SIAH3: variants seen among roughly 807,000 people sequenced by gnomAD.
SIAH3 encodes the protein seven in absentia homolog 3.
Under a neutral mutation model 12.6 loss-of-function variants are expected in SIAH3, and 9 were observed. The observed-to-expected ratio is 0.72, with a 90% CI of 0.43 to 1.25. The LOEUF (loss-of-function observed/expected upper bound fraction) is 1.25, where lower values mean the gene tolerates loss of function less well. Ranked by LOEUF, SIAH3 falls within the 50% of genes most tolerant of loss-of-function variation. The probability of loss-of-function intolerance (pLI) is 0.00; values close to 1 mark genes in which losing one functional copy is unlikely to be tolerated. For missense variants in SIAH3, 390 were observed against 365.4 expected (o/e 1.07, Z -0.55); for synonymous variants, 154 against 151.1 (o/e 1.02, Z -0.14).
chr13:45,804,963 A>AACACAC (rs56315825), intron 1 of SIAH3, among the ~76,000 whole-genome samples: 3,704 of 135,860 alleles, frequency 0.027, 69 homozygotes, highest in Middle Eastern at 0.037. Flanking sequence ...TCCCATTTAT[A>AACACAC]ACACACACAC....
In SIAH3 at chr13:45,784,196, CA is replaced by C. The variant is rs1334814318; in HGVS notation, c.136-140del. 1.6e-5 allele frequency: 13 copies of C among 802,916 alleles called. No homozygotes were observed. In the Admixed American group the frequency reaches 2.8e-4, roughly 17 times the overall value. 49.7% of individuals were successfully genotyped at this position (802,916 alleles called of 1,614,324 possible). The stretch of plus-strand genomic sequence containing the variant: ...GTTCATTTCTTAAACAACAAACAAA[CA>C]AACAAACAAACAAACAAAACCACAA... On this transcript the variant is annotated intron_variant, in intron 1 of 1. Coordinates refer to ENST00000400405, the MANE Select transcript of SIAH3 (RefSeq NM_198849.3).
At position 45,777,314 on chromosome 13, in the gene SIAH3, G is replaced by C. The variant is rs1950488066; in HGVS notation, c.*6069C>G. On this transcript the variant is annotated 3_prime_UTR_variant, in exon 2 of 2. Transcript: ENST00000400405. ...GGGCAGAGATGAAGTAGCAGTTTGA[G>C]TTTGTCCAAGTTATTGTCTTTAACA... The C allele has an allele frequency of 6.6e-6, 1 of 152,160 alleles. No individual in the cohort carries two copies. The highest frequency in any genetic ancestry group is 2.4e-5 in the African/African-American group (1 of 41,432). 9.4% of individuals were successfully genotyped at this position (152,160 alleles called of 1,614,324 possible). A position where few individuals can be genotyped will look rare whatever the true frequency, so the allele number is the denominator to read the frequency against.
At chr13:45,786,366 G>A (rs955429762) in intron 1 of SIAH3, among the ~76,000 whole-genome samples, 2 of 152,186 alleles carry the variant, frequency 1.3e-5, no homozygotes, top group African/African-American at 4.8e-5. Flanking sequence ...AACATTTTAT[G>A]TTTGTCTTAT....
At chr13:45,828,158 T>C (rs1401613743) in intron 1 of SIAH3, among the ~76,000 whole-genome samples, 12 of 152,250 alleles carry the variant, frequency 7.9e-5, no homozygotes, top group Admixed American at 1.3e-4. Flanking sequence ...GAGGACTAAA[T>C]GAGATATCAT....
intron 1 of SIAH3, among the ~76,000 whole-genome samples, chr13:45,802,036 G>A (rs1950584081): frequency 6.6e-6 from 1 of 152,316 alleles, no homozygotes; most frequent in African/African-American, 2.4e-5. Context: ...CGGGCGTGGT[G>A]GCTCACGCCT....
intron 1 of SIAH3, among the ~76,000 whole-genome samples, chr13:45,813,426 C>T (rs1950623101): frequency 6.6e-6 from 1 of 152,204 alleles, no homozygotes; most frequent in South Asian, 2.1e-4. Flanking sequence ...TAGGGCTCTG[C>T]CCCCTTGGCC....
At chr13:45,812,969 TG>T (rs1346006844) in intron 1 of SIAH3, among the ~76,000 whole-genome samples, 16 of 152,300 alleles carry the variant, frequency 1.1e-4, no homozygotes, top group Admixed American at 9.8e-4. Context: ...AGGAAGCCAG[TG>T]TATTGAAGCC....
At chr13:45,809,220 G>C (rs114475087) in intron 1 of SIAH3, among the ~76,000 whole-genome samples, 1 of 152,180 alleles carries the variant, frequency 6.6e-6, no homozygotes, top group Non-Finnish European at 1.5e-5. Flanking sequence ...CGTGTGTTGG[G>C]GGCTCCGCAG....
At position 45,777,297 on chromosome 13, in the gene SIAH3, A is replaced by T. The variant is rs1270099992; in HGVS notation, c.*6086T>A. On this transcript the variant is annotated 3_prime_UTR_variant, in exon 2 of 2. Coordinates refer to ENST00000400405, the MANE Select transcript of SIAH3 (RefSeq NM_198849.3). ...TGACATTTTCTATGAGAGGGCAGAGATGAAGTAGCAGTTTGAGTTTGTCCA... is the reference window on the plus strand; with the variant it reads ...TGACATTTTCTATGAGAGGGCAGAGTTGAAGTAGCAGTTTGAGTTTGTCCA... The T allele has an allele frequency of 6.6e-6, 1 of 152,240 alleles. No homozygotes were observed. The highest frequency in any genetic ancestry group is 1.5e-5 in the Non-Finnish European group (1 of 68,050). The allele number at this position is 152,240 out of a possible 1,614,324, so 9.4% of individuals were successfully genotyped here.
rs1176159235 is a variant in SIAH3, at chr13:45,784,006, A to G, written c.187T>C (p.Phe63Leu). ...TGGTGGGAGAGATGGTGAGGGTGGA[A>G]GCTGCCTTGCTCTGGAGCGCTCTGA... ...VTQSAPEQGS[F>L]HPHHLSHHHC... Residue 63 changes from phenylalanine (F) to leucine (L), a missense_variant, in exon 2 of 2, where the codon TTC (phenylalanine) becomes CTC (leucine). Physicochemically the swap from Phe to Leu is conservative, Grantham distance 22 (BLOSUM62 0). Transcript: ENST00000400405. 3 of 1,606,056 alleles carry G rather than the reference A, an allele frequency of 1.9e-6. No homozygotes were observed. The highest frequency in any genetic ancestry group is 2.6e-6 in the Non-Finnish European group (3 of 1,176,168).
intron 1 of SIAH3, among the ~76,000 whole-genome samples, chr13:45,811,201 G>T (rs1054261751): frequency 6.6e-6 from 1 of 152,162 alleles, no homozygotes; most frequent in Non-Finnish European, 1.5e-5. Context: ...CACAGTAGTT[G>T]GTAATGAGTG....
At chr13:45,820,957 G>A (rs1950653643) in intron 1 of SIAH3, among the ~76,000 whole-genome samples, 1 of 152,214 alleles carries the variant, frequency 6.6e-6, no homozygotes, top group Admixed American at 6.5e-5. Flanking sequence ...ACCAAGGTCT[G>A]TTGTTTCCTT....
chr13:45,838,015 C>T (rs983985998), intron 1 of SIAH3, among the ~76,000 whole-genome samples: 2 of 152,150 alleles, frequency 1.3e-5, no homozygotes, highest in Admixed American at 6.5e-5. Context: ...ACCACATCAC[C>T]CCCCATTTGG....
intron 1 of SIAH3, among the ~76,000 whole-genome samples, chr13:45,845,187 AT>A (rs34053407): frequency 0.058 from 8,074 of 140,322 alleles, 458 homozygotes; most frequent in East Asian, 0.25. Flanking sequence ...TGTTTTATGC[AT>A]TTTTTTTTTT....
chr13:45,844,262 G>A (rs1316084913), intron 1 of SIAH3, among the ~76,000 whole-genome samples: 1 of 152,218 alleles, frequency 6.6e-6, no homozygotes, highest in Admixed American at 6.5e-5. Context: ...TCCAGAGGAG[G>A]TTAGTGTGTG....
chr13:45,792,576 T>C (rs1950549518), intron 1 of SIAH3, among the ~76,000 whole-genome samples: 1 of 152,172 alleles, frequency 6.6e-6, no homozygotes, highest in Non-Finnish European at 1.5e-5. Context: ...CGGGCTGGTC[T>C]CGAACTACTG....
intron 1 of SIAH3, among the ~76,000 whole-genome samples, chr13:45,799,885 A>G (rs1251469847): frequency 6.6e-6 from 1 of 152,244 alleles, no homozygotes; most frequent in African/African-American, 2.4e-5. Context: ...AATTAGGAAG[A>G]TAAATCTTCT....
At chr13:45,830,117 AGGGCTC>A (rs769345975) in intron 1 of SIAH3, among the ~76,000 whole-genome samples, 66 of 152,308 alleles carry the variant, frequency 4.3e-4, no homozygotes, top group Non-Finnish European at 8.5e-4. Context: ...TTTGAATTAG[AGGGCTC>A]GGACTCCTTG....
chr13:45,822,542 T>TATATATATATAC, intron 1 of SIAH3, among the ~76,000 whole-genome samples: 1 of 141,630 alleles, frequency 7.1e-6, no homozygotes, highest in Admixed American at 7.1e-5. Flanking sequence ...TATATATATA[T>TATATATATATAC]ATATATATAT....
Sources: gnomAD v4.1 joint callset for allele counts (sites outside exome capture counted in the v4.1 genomes callset) on GRCh38, gnomAD v4.1.1 for gene constraint, MANE v1.5 for transcripts, NCBI Gene and HGNC (gene_info 2026-07-23, HGNC 2026-07-21) for gene names.